Variants in CDKAL1 observed in about 807,000 individuals in gnomAD.
The protein encoded by CDKAL1 is threonylcarbamoyladenosine tRNA methylthiotransferase.
CDKAL1 carries 32 observed loss-of-function variants against 68.2 expected under a neutral mutation model. The ratio of observed to expected loss-of-function variants is 0.47; its 90% CI spans 0.35 to 0.63. The LOEUF (loss-of-function observed/expected upper bound fraction) is 0.63. Ranked by LOEUF, CDKAL1 falls within the 30% of genes least tolerant of loss-of-function variation. CDKAL1 has a pLI of 0.00. For synonymous variants in CDKAL1, 234 were observed against 244.3 expected (o/e 0.96, Z 0.39); for missense variants, 606 against 696.7 (o/e 0.87, Z 1.47).
intron 13 of CDKAL1, among the ~76,000 whole-genome samples, chr6:21,152,814 C>T (rs115980775): frequency 0.011 from 1,625 of 152,320 alleles, 17 homozygotes; most frequent in Non-Finnish European, 0.017. Context: ...ACACAGATCC[C>T]TATCATTCAG....
intron 8 of CDKAL1, among the ~76,000 whole-genome samples, chr6:20,817,956 T>C (rs2150435653): frequency 6.6e-6 from 1 of 152,294 alleles, no homozygotes; most frequent in African/African-American, 2.4e-5. Context: ...CTCCCATTCC[T>C]GAAGAAGGGG....
At chr6:20,873,782 A>C (rs1760345525) in intron 9 of CDKAL1, among the ~76,000 whole-genome samples, 1 of 152,170 alleles carries the variant, frequency 6.6e-6, no homozygotes, top group Non-Finnish European at 1.5e-5. Context: ...AACCTTGCTT[A>C]ATTTTTAATA....
intron 9 of CDKAL1, among the ~76,000 whole-genome samples, chr6:20,877,739 G>A (rs1561851235): frequency 6.6e-6 from 1 of 152,150 alleles, no homozygotes; most frequent in Non-Finnish European, 1.5e-5. Context: ...TCTGAATTAT[G>A]TCCTCCTTCT....
chr6:21,064,596 A>C (rs766212517), intron 11 of CDKAL1, among the ~76,000 whole-genome samples: 1 of 152,206 alleles, frequency 6.6e-6, no homozygotes. Flanking sequence ...ACTGAATAGT[A>C]TATCAATTGG....
chr6:21,223,514 C>T (rs1779610962), intron 15 of CDKAL1, among the ~76,000 whole-genome samples: 1 of 152,170 alleles, frequency 6.6e-6, no homozygotes, highest in South Asian at 2.1e-4. Flanking sequence ...GTTCTCCAGC[C>T]AGGTACCATA....
chr6:21,056,441 T>C (rs1025121252), intron 11 of CDKAL1, among the ~76,000 whole-genome samples: 3 of 152,186 alleles, frequency 2.0e-5, no homozygotes, highest in African/African-American at 4.8e-5. Context: ...GATGGGGTTT[T>C]CTAGATATGT....
chr6:21,208,103 G>A (rs1779011213), intron 15 of CDKAL1, among the ~76,000 whole-genome samples: 1 of 151,956 alleles, frequency 6.6e-6, no homozygotes, highest in Admixed American at 6.5e-5. Flanking sequence ...GGCTGCCCCA[G>A]GGTGCCTCAG....
intron 13 of CDKAL1, among the ~76,000 whole-genome samples, chr6:21,136,368 G>A (rs1436643827): frequency 6.6e-6 from 1 of 152,138 alleles, no homozygotes; most frequent in Non-Finnish European, 1.5e-5. Flanking sequence ...CACACTCTCA[G>A]GCTGTTGGGA....
intron 8 of CDKAL1, among the ~76,000 whole-genome samples, chr6:20,810,397 CACACACACA>C (rs1561796286): frequency 0.052 from 112 of 2,158 alleles, 1 homozygote; most frequent in East Asian, 0.29. Flanking sequence ...CTCTGTCACA[CACACACACA>C]CACACACACA....
chr6:20,988,500 A>T (rs1766608579), intron 10 of CDKAL1, among the ~76,000 whole-genome samples: 2 of 152,172 alleles, frequency 1.3e-5, no homozygotes, highest in Non-Finnish European at 2.9e-5. Context: ...TCAGTGGCTT[A>T]TACCAACAAA....
At chr6:20,567,715 T>A (rs1764516576) in intron 4 of CDKAL1, among the ~76,000 whole-genome samples, 1 of 152,014 alleles carries the variant, frequency 6.6e-6, no homozygotes, top group Non-Finnish European at 1.5e-5. Flanking sequence ...AATTAATTAA[T>A]TAATTATTTT....
In CDKAL1 at chr6:20,583,213, C is replaced by T. The variant is rs79598041; in HGVS notation, c.286+34508C>T. On this transcript the variant is annotated intron_variant, in intron 4 of 15. Coordinates refer to ENST00000274695, the MANE Select transcript of CDKAL1 (RefSeq NM_017774.3). Reference sequence around the variant, plus strand: ...ACCACTGCATACTGCTTTGCCTTGCCGTGAAGTGTACTCTTTTTACCCAAT... The same window carrying T: ...ACCACTGCATACTGCTTTGCCTTGCTGTGAAGTGTACTCTTTTTACCCAAT... Among the ~76,000 whole-genome samples the T allele has an allele frequency of 3.1e-3, 469 of 152,138 alleles. 2 individuals are homozygous for T. Among genetic ancestry groups the T allele is most frequent in the Admixed American group, 0.012 (191 of 15,284 alleles).
rs796483992 is a variant in CDKAL1 at position 20,835,521 on chromosome 6, CTT to C, written c.639-10551_639-10550del. Among the ~76,000 whole-genome samples, 955 of 139,826 alleles carry C rather than the reference CTT, an allele frequency of 6.8e-3. 13 individuals carry two copies. The highest frequency in any genetic ancestry group is 0.024 in the African/African-American group (886 of 37,164). 91.7% of individuals were successfully genotyped at this position (139,826 alleles called of 152,430 possible). On this transcript the variant is annotated intron_variant, in intron 8 of 15. Coordinates refer to ENST00000274695, the MANE Select transcript of CDKAL1 (RefSeq NM_017774.3). ...CTTGTCTTGTCTTGTCTTGTCTTGT[CTT>C]TTGTCTTGTCTTGTCTTGTCTTGTC...
chr6:20,785,662 T>G (rs981333741), intron 8 of CDKAL1, among the ~76,000 whole-genome samples: 2 of 152,160 alleles, frequency 1.3e-5, no homozygotes, highest in Non-Finnish European at 2.9e-5. Context: ...TTCACTTACT[T>G]TTAAATGTTT....
At chr6:20,618,206 A>G (rs1247588950) in intron 4 of CDKAL1, among the ~76,000 whole-genome samples, 1 of 152,180 alleles carries the variant, frequency 6.6e-6, no homozygotes, top group African/African-American at 2.4e-5. Flanking sequence ...TTGGCTGCAT[A>G]AACGTCTTCT....
chr6:21,135,832 G>T, intron 13 of CDKAL1: 1 of 271,306 alleles, frequency 3.7e-6, no homozygotes, highest in South Asian at 1.4e-4. Flanking sequence ...ATCCAGGGGG[G>T]AGGCATGAAC....
intron 13 of CDKAL1, among the ~76,000 whole-genome samples, chr6:21,194,204 T>C (rs994249747): frequency 6.6e-6 from 1 of 152,234 alleles, no homozygotes; most frequent in Non-Finnish European, 1.5e-5. Flanking sequence ...CAATTAAATT[T>C]CAACATGAGT....
intron 11 of CDKAL1, among the ~76,000 whole-genome samples, chr6:21,055,615 T>C (rs747306349): frequency 3.3e-5 from 5 of 152,154 alleles, no homozygotes; most frequent in Admixed American, 2.0e-4. Flanking sequence ...AGTGAGAACA[T>C]GTGGTGTTTA....
At chr6:21,033,536 G>A (rs1769407373) in intron 11 of CDKAL1, among the ~76,000 whole-genome samples, 1 of 152,046 alleles carries the variant, frequency 6.6e-6, no homozygotes, top group African/African-American at 2.4e-5. Context: ...GAGGAGGATG[G>A]GAAGGTTAAG....
Sources: gnomAD v4.1 joint callset for allele counts (sites outside exome capture counted in the v4.1 genomes callset) on GRCh38, gnomAD v4.1.1 for gene constraint, MANE v1.5 for transcripts, NCBI Gene and HGNC (gene_info 2026-07-23, HGNC 2026-07-21) for gene names.